ACTN4: variants seen among roughly 807,000 people sequenced by gnomAD.
The protein encoded by ACTN4 is alpha-actinin-4.
Under a neutral mutation model 114.2 loss-of-function variants are expected in ACTN4, and 18 were observed. That is an observed-to-expected ratio of 0.16 (90% CI 0.11 to 0.23). The LOEUF is 0.23. Among genes scored for constraint, ACTN4 ranks in the 10% least tolerant of loss-of-function variants. The probability of loss-of-function intolerance (pLI) is 1.00; values close to 1 mark genes in which losing one functional copy is unlikely to be tolerated. For synonymous variants in ACTN4, 515 were observed against 506.3 expected (o/e 1.02, Z -0.23); for missense variants, 722 against 1,262.9 (o/e 0.57, Z 6.49).
chr19:38,728,445 T>TCCCCCCCCCCCCC, intron 19 of ACTN4: 1 of 828,868 alleles, frequency 1.2e-6, no homozygotes, highest in Non-Finnish European at 1.5e-6. Context: ...CTCCTCCTCC[T>TCCCCCCCCCCCCC]CCTCCCCCCC....
intron 12 of ACTN4, among the ~76,000 whole-genome samples, chr19:38,722,602 C>T (rs572503004): frequency 6.6e-6 from 1 of 152,304 alleles, no homozygotes; most frequent in Admixed American, 6.5e-5. Context: ...GGCAAGAGTC[C>T]CGTGGGGCCA....
Position 38,731,412 on chromosome 19 carries a change from G to C in ACTN4, c.*1980G>C. 1.6e-6 allele frequency: 1 copy of C among 617,154 alleles called. No individual in the cohort carries two copies. Among genetic ancestry groups the C allele is most frequent in the Non-Finnish European group, 2.9e-6 (1 of 340,084 alleles). The allele number at this position is 617,154 out of a possible 1,614,324, so 38.2% of individuals were successfully genotyped here. ...GGGCCTGTTTCCTCATCCATCAAAC[G>C]GACTAAGACAGCCCCGACCCCATAG... On this transcript the variant is annotated 3_prime_UTR_variant, in exon 21 of 21. Coordinates refer to ENST00000252699, the MANE Select transcript of ACTN4 (RefSeq NM_004924.6).
chr19:38,673,597 T>G lies in ACTN4; in HGVS notation c.162+25690T>G, dbSNP rs1433731235. On this transcript the variant is annotated intron_variant, in intron 1 of 20. Transcript: ENST00000252699. ...TATATTCATATATATTTATATATAT[T>G]CATATATATTCATTTATATTTATAT... Among the ~76,000 whole-genome samples the G allele has an allele frequency of 5.1e-4, 42 of 82,544 alleles. 2 individuals are homozygous for G. Among genetic ancestry groups the G allele is most frequent in the Non-Finnish European group, 9.4e-4 (36 of 38,244 alleles). 54.2% of individuals were successfully genotyped at this position (82,544 alleles called of 152,430 possible).
intron 1 of ACTN4, among the ~76,000 whole-genome samples, chr19:38,664,193 G>A (rs939128195): frequency 6.6e-6 from 1 of 152,208 alleles, no homozygotes; most frequent in African/African-American, 2.4e-5. Context: ...GCCAAGCTAC[G>A]CTTCCAGGTG....
In ACTN4 at chr19:38,729,336, C is replaced by T. The variant is rs565687082; in HGVS notation, c.2640C>T (p.Ile880=). The change falls in exon 21 of 21, where the codon ATC becomes ATT. Residue 880 remains isoleucine, a synonymous_variant. Coordinates refer to ENST00000252699, the MANE Select transcript of ACTN4 (RefSeq NM_004924.6). ...ELPPDQAEYC[I]ARMAPYQGPD... ...CCCCCGACCAGGCCGAGTACTGCAT[C>T]GCCCGCATGGCGCCATACCAGGGCC... The T allele has an allele frequency of 2.5e-5, 40 of 1,612,370 alleles. No individual in the cohort carries two copies. The South Asian group carries it at 2.5e-4, about 10-fold the overall frequency.
intron 7 of ACTN4, among the ~76,000 whole-genome samples, chr19:38,709,812 C>T (rs560926960): frequency 6.6e-6 from 1 of 152,164 alleles, no homozygotes; most frequent in Admixed American, 6.5e-5. Flanking sequence ...AGGCTTCCTG[C>T]GAGCAACCCT....
intron 1 of ACTN4, 169 bp downstream of exon 1, chr19:38,648,076 A>G: frequency 1.4e-6 from 1 of 727,442 alleles, no homozygotes. Context: ...GGAATCGCCG[A>G]GCTAGAGGAA....
At chr19:38,681,480 C>T (rs760745392) in intron 1 of ACTN4, among the ~76,000 whole-genome samples, 1 of 152,232 alleles carries the variant, frequency 6.6e-6, no homozygotes, top group Admixed American at 6.5e-5. Flanking sequence ...CTGACACCAT[C>T]CCTGCCACTT....
intron 1 of ACTN4, among the ~76,000 whole-genome samples, chr19:38,697,600 C>T (rs1904650412): frequency 6.6e-6 from 1 of 152,200 alleles, no homozygotes; most frequent in Non-Finnish European, 1.5e-5. Flanking sequence ...AGGTCTGTGC[C>T]CCTGCAGAGC....
chr19:38,665,477 C>T (rs1348960546), intron 1 of ACTN4, among the ~76,000 whole-genome samples: 1 of 152,236 alleles, frequency 6.6e-6, no homozygotes, highest in Non-Finnish European at 1.5e-5. Flanking sequence ...CAGGTGGGAT[C>T]TGCTACTTGA....
chr19:38,686,645 G>T (rs768188606), intron 1 of ACTN4, among the ~76,000 whole-genome samples: 2 of 152,256 alleles, frequency 1.3e-5, no homozygotes, highest in Non-Finnish European at 2.9e-5. Context: ...TGCCTGGAGG[G>T]CTGAGCACTG....
chr19:38,698,417 C>T (rs935100766), intron 1 of ACTN4, among the ~76,000 whole-genome samples: 2 of 152,150 alleles, frequency 1.3e-5, no homozygotes, highest in East Asian at 1.9e-4. Flanking sequence ...TAGTACTCTC[C>T]GCAGTGAGAA....
chr19:38,704,880 G>A, intron 3 of ACTN4, 54 bp from the exon 4 acceptor site: 1 of 1,546,858 alleles, frequency 6.5e-7, no homozygotes, highest in South Asian at 1.1e-5. Flanking sequence ...GGGCGGAGGA[G>A]CCTCACTCTG....
chr19:38,651,746 GT>G (rs977283823), intron 1 of ACTN4, among the ~76,000 whole-genome samples: 2 of 150,994 alleles, frequency 1.3e-5, no homozygotes, highest in Non-Finnish European at 3.0e-5. Flanking sequence ...GTTTTGTTTT[GT>G]TTTTTTTGAG....
At chr19:38,711,972 C>T (rs1968668374) in intron 8 of ACTN4, among the ~76,000 whole-genome samples, 1 of 152,240 alleles carries the variant, frequency 6.6e-6, no homozygotes, top group Admixed American at 6.5e-5. Flanking sequence ...CCAAGCACTG[C>T]TCCCCCCGCT....
At chr19:38,680,091 A>G (rs752691211) in intron 1 of ACTN4, among the ~76,000 whole-genome samples, 7 of 151,510 alleles carry the variant, frequency 4.6e-5, no homozygotes, top group Admixed American at 4.0e-4. Context: ...ACCACGCTCT[A>G]TCGCAGTTAT....
chr19:38,652,607 C>T (rs1411060416), intron 1 of ACTN4, among the ~76,000 whole-genome samples: 1 of 152,196 alleles, frequency 6.6e-6, no homozygotes, highest in African/African-American at 2.4e-5. Context: ...GGAGCTGACT[C>T]ACCCTCCAGT....
rs145963849 is a variant in ACTN4, at chr19:38,730,317, C to T, written c.*885C>T. 370 of 165,104 alleles carry T rather than the reference C, an allele frequency of 2.2e-3. 2 individuals are homozygous for T. Among genetic ancestry groups the T allele is most frequent in the African/African-American group, 8.4e-3 (351 of 41,598 alleles). 10.2% of individuals were successfully genotyped at this position (165,104 alleles called of 1,614,324 possible). ...CATAGCCGATTCTCTGCCCGGGCCC[C>T]TTGCTGATGCTCCTCCGGGTCTGCG... On this transcript the variant is annotated 3_prime_UTR_variant, in exon 21 of 21. Coordinates refer to ENST00000252699, the MANE Select transcript of ACTN4 (RefSeq NM_004924.6).
chr19:38,694,475 G>A (rs936262845), intron 1 of ACTN4, among the ~76,000 whole-genome samples: 5 of 151,980 alleles, frequency 3.3e-5, no homozygotes, highest in Non-Finnish European at 7.4e-5. Context: ...GGCCAGGCTG[G>A]TCTTGAACTC....
Sources: allele counts gnomAD v4.1 joint callset (sites outside exome capture counted in the v4.1 genomes callset), GRCh38; gene constraint gnomAD v4.1.1; transcripts MANE v1.5; gene names NCBI Gene and HGNC (gene_info 2026-07-23, HGNC 2026-07-21).